The following TCF12 variants were observed in gnomAD, a reference collection of about 807,000 sequenced individuals.
TCF12 encodes the protein DNA-binding protein HTF4.
In TCF12, 45 loss-of-function variants were observed where a neutral mutation model predicts 86.0. The observed-to-expected ratio is 0.52, with a 90% confidence interval of 0.41 to 0.67. The LOEUF (loss-of-function observed/expected upper bound fraction) is 0.67, where lower values mean the gene tolerates loss of function less well. Ranked by LOEUF, TCF12 falls within the 30% of genes least tolerant of loss-of-function variation. The probability of loss-of-function intolerance (pLI) is 0.00; values close to 1 mark genes in which losing one functional copy is unlikely to be tolerated. For synonymous variants in TCF12, 330 were observed against 299.6 expected, an observed-to-expected ratio of 1.10 and a Z score of -1.05; for missense variants, 881 against 859.9, an observed-to-expected ratio of 1.02 and a Z score of -0.31.
At chr15:57,031,380 T>G (rs1222535572) in intron 3 of TCF12, among the ~76,000 whole-genome samples, 1 of 151,890 alleles carries the variant, frequency 6.6e-6, no homozygotes, top group Non-Finnish European at 1.5e-5. Context: ...GCTTGAGGTT[T>G]GGGGGGTCAG....
At chr15:57,282,288 G>C in intron 19 of TCF12, 157 bp from the exon 20 acceptor site, 1 of 808,510 alleles carries the variant, frequency 1.2e-6, no homozygotes. Context: ...TGGAGGCTCA[G>C]TTCAATGCTG....
intron 8 of TCF12, among the ~76,000 whole-genome samples, chr15:57,202,765 A>G (rs1318759251): frequency 6.6e-6 from 1 of 152,046 alleles, no homozygotes; most frequent in Non-Finnish European, 1.5e-5. Context: ...GTAACCTTGG[A>G]GAAGTTGCTG....
At chr15:57,190,525 G>T (rs1386021430) in intron 6 of TCF12, among the ~76,000 whole-genome samples, 1 of 152,092 alleles carries the variant, frequency 6.6e-6, no homozygotes, top group African/African-American at 2.4e-5. Flanking sequence ...CTTTTCACTT[G>T]AGAGTATCTT....
chr15:57,057,229 T>G (rs1483260156), intron 3 of TCF12, among the ~76,000 whole-genome samples: 2 of 152,172 alleles, frequency 1.3e-5, no homozygotes, highest in Non-Finnish European at 2.9e-5. Flanking sequence ...AACCAAAAAT[T>G]TGGGACCTCT....
At chr15:57,075,660 T>C (rs2069826117) in intron 4 of TCF12, among the ~76,000 whole-genome samples, 1 of 152,112 alleles carries the variant, frequency 6.6e-6, no homozygotes, top group Admixed American at 6.5e-5. Flanking sequence ...TAATCTGTTT[T>C]GTAATACAAG....
At chr15:57,161,566 T>C (rs2054506599) in intron 5 of TCF12, among the ~76,000 whole-genome samples, 1 of 152,214 alleles carries the variant, frequency 6.6e-6, no homozygotes, top group South Asian at 2.1e-4. Flanking sequence ...TTCTTGTATA[T>C]TTTCCAATAA....
intron 8 of TCF12, among the ~76,000 whole-genome samples, chr15:57,229,890 C>A (rs1346774062): frequency 6.6e-6 from 1 of 151,674 alleles, no homozygotes; most frequent in Non-Finnish European, 1.5e-5. Context: ...GTTAATACCT[C>A]CAAGAAAGAA....
chr15:56,967,106 A>C (rs757587501), intron 3 of TCF12, among the ~76,000 whole-genome samples: 8 of 151,492 alleles, frequency 5.3e-5, no homozygotes, highest in Non-Finnish European at 1.2e-4. Flanking sequence ...TGGGCAACAG[A>C]GCGAGACTCG....
At chr15:57,254,464 GTT>G (rs781214337) in intron 16 of TCF12, among the ~76,000 whole-genome samples, 1 of 151,868 alleles carries the variant, frequency 6.6e-6, no homozygotes, top group Non-Finnish European at 1.5e-5. Context: ...TTTTGTGTTT[GTT>G]TTTTTAATGT....
intron 16 of TCF12, among the ~76,000 whole-genome samples, chr15:57,256,232 A>G (rs1467813218): frequency 1.3e-5 from 2 of 152,206 alleles, no homozygotes. Context: ...TTAGTCTGCC[A>G]CTGACTATCC....
In TCF12 at chr15:57,120,537, A is replaced by G. The variant is rs117390096; in HGVS notation, c.325+28646A>G. On this transcript the variant is annotated intron_variant, in intron 5 of 20. Transcript: ENST00000333725. ...CTGTGTATGTTTTGGCTTTTGTTATAGTTGTTTGAATGCATATCTGTCTCT... is the reference window on the plus strand; with the variant it reads ...CTGTGTATGTTTTGGCTTTTGTTATGGTTGTTTGAATGCATATCTGTCTCT... Among the ~76,000 whole-genome samples, 521 of 152,276 alleles carry G rather than the reference A, an allele frequency of 3.4e-3. 15 individuals are homozygous for G. In the East Asian group the frequency reaches 0.083, roughly 24 times the overall value.
At chr15:57,141,226 G>A (rs2052939327) in intron 5 of TCF12, among the ~76,000 whole-genome samples, 1 of 152,230 alleles carries the variant, frequency 6.6e-6, no homozygotes. Context: ...GTTTTAGATT[G>A]CTTGTATTTT....
chr15:57,172,470 G>A (rs79988065), intron 6 of TCF12, among the ~76,000 whole-genome samples: 1,528 of 152,228 alleles, frequency 0.01, 23 homozygotes, highest in East Asian at 0.063. Flanking sequence ...ACACTAACAG[G>A]CTGGAATCAT....
At chr15:57,165,476 C>T (rs1048992750) in intron 5 of TCF12, among the ~76,000 whole-genome samples, 1 of 151,618 alleles carries the variant, frequency 6.6e-6, no homozygotes, top group Non-Finnish European at 1.5e-5. Context: ...GGTAATCATG[C>T]ACATCATTAT....
chr15:57,062,262 A>G (rs1252466235), intron 3 of TCF12, among the ~76,000 whole-genome samples: 3 of 152,026 alleles, frequency 2.0e-5, no homozygotes, highest in South Asian at 2.1e-4. Context: ...GGCCGGTAAC[A>G]GTGTTTTTTA....
At chr15:57,252,598 A>T (rs2060168261) in intron 15 of TCF12, 106 bp downstream of exon 15, 2 of 906,896 alleles carry the variant, frequency 2.2e-6, no homozygotes, top group Non-Finnish European at 3.4e-6. Flanking sequence ...TTAAAAATCA[A>T]ACAGTTGACT....
chr15:57,260,635 C>T (rs1020018092), intron 16 of TCF12, among the ~76,000 whole-genome samples: 16 of 152,156 alleles, frequency 1.1e-4, no homozygotes, highest in Admixed American at 6.5e-4. Context: ...TTCCCCAGCC[C>T]GTCAAAATTC....
chr15:56,975,575 G>T (rs2140812553), intron 3 of TCF12, among the ~76,000 whole-genome samples: 1 of 152,094 alleles, frequency 6.6e-6, no homozygotes, highest in Non-Finnish European at 1.5e-5. Context: ...TATTATCTGT[G>T]TGAATATGTT....
At chr15:56,984,014 A>AAAAAAAAAAAAAAAAAAAAAAGAAG (rs777234282) in intron 3 of TCF12, among the ~76,000 whole-genome samples, 1 of 104,450 alleles carries the variant, frequency 9.6e-6, no homozygotes, top group Non-Finnish European at 1.8e-5. Context: ...AAAAAAAAAA[A>AAAAAAAAAAAAAAAAAAAAAAGAAG]AAGAAGAAGA....
Sources: allele counts gnomAD v4.1 joint callset (sites outside exome capture counted in the v4.1 genomes callset), GRCh38; gene constraint gnomAD v4.1.1; transcripts MANE v1.5; gene names NCBI Gene and HGNC (gene_info 2026-07-23, HGNC 2026-07-21).